TMPRSS5: variants seen among roughly 807,000 people sequenced by gnomAD.
TMPRSS5 encodes transmembrane serine protease 5.
A neutral mutation model predicts 59.7 loss-of-function variants in TMPRSS5; 45 were observed. The ratio of observed to expected loss-of-function variants is 0.75; its 90% CI spans 0.59 to 0.97. The LOEUF (loss-of-function observed/expected upper bound fraction) is 0.97, where lower values mean the gene tolerates loss of function less well. TMPRSS5 is among the 50% of genes least tolerant of loss of function. The probability of loss-of-function intolerance (pLI) is 0.00; values close to 1 mark genes in which losing one functional copy is unlikely to be tolerated. For missense variants in TMPRSS5, 585 were observed against 596.7 expected (o/e 0.98, Z 0.20); for synonymous variants, 225 against 232.0 (o/e 0.97, Z 0.27).
chr11:113,690,049 C>A, intron 11 of TMPRSS5, 132 bp from the exon 12 acceptor site: 1 of 1,249,742 alleles, frequency 8.0e-7, no homozygotes, highest in Non-Finnish European at 1.1e-6. Context: ...ATCTGCTGGC[C>A]TCACCCCTCC....
intron 6 of TMPRSS5, 40 bp from the exon 7 acceptor site, chr11:113,695,483 C>A (rs45515199): frequency 1.2e-6 from 2 of 1,607,842 alleles, no homozygotes; most frequent in African/African-American, 2.7e-5. Context: ...GGGCAGGGGC[C>A]GCCCTGCAGC....
intron 7 of TMPRSS5, 105 bp from the exon 8 acceptor site, chr11:113,694,745 G>T: frequency 8.8e-7 from 1 of 1,134,398 alleles, no homozygotes; most frequent in Non-Finnish European, 1.2e-6. Context: ...GAGAGCCAGT[G>T]TGGACAGCTC....
chr11:113,698,848 A>G, intron 4 of TMPRSS5, 57 bp downstream of exon 4: 4 of 1,554,008 alleles, frequency 2.6e-6, no homozygotes, highest in Non-Finnish European at 3.5e-6. Flanking sequence ...TCTTGCCCTC[A>G]GCTGTGACAG....
rs1232528037 is a variant in TMPRSS5, at chr11:113,697,419, C to G, written c.329-1G>C. The G allele has an allele frequency of 1.2e-6, 2 of 1,613,488 alleles. No individual in the cohort carries two copies. The highest frequency in any genetic ancestry group is 8.5e-7 in the Non-Finnish European group (1 of 1,179,608). On this transcript the variant is annotated splice_acceptor_variant, in intron 4 of 12. Coordinates refer to ENST00000299882, the MANE Select transcript of TMPRSS5 (RefSeq NM_030770.4). LOFTEE classifies it high-confidence loss of function. ...TCTTCGCTGTTTATTCTGAAAGATA[C>G]TGAAATCACAGCATGAAAACCACAT... is the stretch of plus-strand genomic sequence containing the variant.
chr11:113,697,569 G>A (rs1952966387), intron 4 of TMPRSS5, among the ~76,000 whole-genome samples, 151 bp from the exon 5 acceptor site: 1 of 152,212 alleles, frequency 6.6e-6, no homozygotes, highest in Non-Finnish European at 1.5e-5. Flanking sequence ...CCCGGAGAGT[G>A]AGACCAGTCC....
chr11:113,696,034 T>C (rs539951966), intron 6 of TMPRSS5, among the ~76,000 whole-genome samples: 1 of 152,282 alleles, frequency 6.6e-6, no homozygotes, highest in African/African-American at 2.4e-5. Context: ...TAGTTTCTCC[T>C]AGTTTCCCAA....
intron 9 of TMPRSS5, 129 bp downstream of exon 9, chr11:113,692,942 T>G: frequency 9.5e-7 from 1 of 1,049,766 alleles, no homozygotes; most frequent in Non-Finnish European, 1.4e-6. Flanking sequence ...AGTCCCAAAA[T>G]AAATAGAATG....
chr11:113,697,917 A>G (rs1952975608), intron 4 of TMPRSS5, among the ~76,000 whole-genome samples: 1 of 152,190 alleles, frequency 6.6e-6, no homozygotes, highest in South Asian at 2.1e-4. Flanking sequence ...TTCATATGTT[A>G]AAGCCCCAAC....
rs765520590 is a variant in TMPRSS5, at chr11:113,696,957, T to C, written c.479A>G (p.Lys160Arg). 6 of 1,575,366 alleles carry C rather than the reference T, an allele frequency of 3.8e-6. No individual in the cohort carries two copies. In the South Asian group the frequency reaches 7.0e-5, roughly 18 times the overall value. The change falls in exon 6 of 13, where the codon AAG (lysine) becomes AGG (arginine). Residue 160 changes from lysine to arginine, a missense_variant. Transcript: ENST00000299882. ...SLGHLRLTHH[K>R]GVNLTDIKLN... ...TTTGATGTCAGTGAGGTTTACTCCC[T>C]TGTGGTGAGTGAGTCTTGGCAGAAG... is the stretch of plus-strand genomic sequence containing the variant.
chr11:113,700,888 C>T (rs2134822952), intron 1 of TMPRSS5, among the ~76,000 whole-genome samples: 1 of 152,272 alleles, frequency 6.6e-6, no homozygotes, highest in African/African-American at 2.4e-5. Context: ...GTGATTAAAT[C>T]ATGGGGCTGG....
chr11:113,706,083 C>T, intron 1 of TMPRSS5, 139 bp downstream of exon 1: 1 of 969,094 alleles, frequency 1.0e-6, no homozygotes, highest in East Asian at 2.6e-5. Flanking sequence ...CACACAGGGC[C>T]CCTGCTAGGA....
chr11:113,693,313 A>T, intron 8 of TMPRSS5, 64 bp from the exon 9 acceptor site: 1 of 1,434,904 alleles, frequency 7.0e-7, no homozygotes, highest in Non-Finnish European at 9.1e-7. Context: ...TAAGCAAGGT[A>T]GCAGGTGGAG....
rs767016975 is a variant in TMPRSS5 at position 113,688,267 on chromosome 11, A to C, written c.1367T>G (p.Leu456Arg). The C allele has an allele frequency of 9.3e-5, 147 of 1,579,172 alleles. No individual in the cohort carries two copies. Among genetic ancestry groups the C allele is most frequent in the Non-Finnish European group, 1.2e-4 (139 of 1,162,038 alleles). Residue 456 changes from leucine (L) to arginine (R), a missense_variant, in exon 13 of 13, where the codon CTC becomes CGC. Coordinates refer to ENST00000299882, the MANE Select transcript of TMPRSS5 (RefSeq NM_030770.4). ...TGGAGGAAACAGCAGGACTCAGAGG[A>C]GGGAGTCCTAGACCAAAAGGGAAAG... ...DWIHDTAQDS[L>R]L
Position 113,700,144 on chromosome 11 carries a change from G to A in TMPRSS5, c.28C>T (p.Pro10Ser), listed in dbSNP as rs753588778. Reference sequence around the variant, plus strand: ...TCCTCTGCATACTGGGCCTCCATAGGGGGTTGGTCATCCAGCATCAGGCTC... The same window carrying A: ...TCCTCTGCATACTGGGCCTCCATAGAGGGTTGGTCATCCAGCATCAGGCTC... MSLMLDDQP[P>S]MEAQYAEEGP... Residue 10 changes from proline to serine, a missense_variant, in exon 2 of 13, where the codon CCT (proline) becomes TCT (serine). Physicochemically the swap from Pro to Ser is moderately conservative, Grantham distance 74. Coordinates refer to ENST00000299882, the MANE Select transcript of TMPRSS5 (RefSeq NM_030770.4). 2.5e-6 allele frequency: 4 copies of A among 1,577,832 alleles called. No homozygotes were observed. The highest frequency in any genetic ancestry group is 1.3e-5 in the African/African-American group (1 of 74,318).
At chr11:113,697,815 T>C (rs1952972299) in intron 4 of TMPRSS5, among the ~76,000 whole-genome samples, 1 of 152,180 alleles carries the variant, frequency 6.6e-6, no homozygotes, top group Admixed American at 6.5e-5. Flanking sequence ...TCAAATCTTG[T>C]GATAATAATA....
intron 4 of TMPRSS5, 119 bp downstream of exon 4, chr11:113,698,786 G>A (rs550541215): frequency 2.5e-6 from 3 of 1,218,974 alleles, no homozygotes; most frequent in Admixed American, 4.2e-5. Flanking sequence ...CACACTAGAG[G>A]AGGGAAACAC....
intron 11 of TMPRSS5, 139 bp from the exon 12 acceptor site, chr11:113,690,056 C>G (rs1348777079): frequency 1.6e-5 from 20 of 1,261,036 alleles, no homozygotes; most frequent in Non-Finnish European, 2.0e-5. Context: ...GGCCTCACCC[C>G]TCCTTAAACC....
intron 6 of TMPRSS5, among the ~76,000 whole-genome samples, chr11:113,696,132 C>A (rs1474717905): frequency 6.6e-6 from 1 of 152,170 alleles, no homozygotes; most frequent in African/African-American, 2.4e-5. Context: ...AGAACCCTGT[C>A]AGAACCTTCC....
Position 113,699,010 on chromosome 11 carries a change from C to T in TMPRSS5, c.223G>A (p.Ala75Thr). The change falls in exon 4 of 13, where the codon GCT becomes ACT. Residue 75 changes from alanine to threonine, a missense_variant. Physicochemically the swap from Ala to Thr is moderately conservative, Grantham distance 58. Coordinates refer to ENST00000299882, the MANE Select transcript of TMPRSS5 (RefSeq NM_030770.4). ...SWLLVLYLCP[A>T]ASQPISGTLQ... ...GTCCCGGAAATGGGCTGAGAGGCAG[C>T]AGGACACAGATACAGCACTTTAGAG... 1.2e-6 allele frequency: 2 copies of T among 1,611,578 alleles called. No homozygotes were observed. Among genetic ancestry groups the T allele is most frequent in the East Asian group, 2.2e-5 (1 of 44,832 alleles).
Sources: allele counts gnomAD v4.1 joint callset (sites outside exome capture counted in the v4.1 genomes callset), GRCh38; gene constraint gnomAD v4.1.1; transcripts MANE v1.5; gene names NCBI Gene and HGNC (gene_info 2026-07-23, HGNC 2026-07-21).